The following WASF3 variants were observed in gnomAD, a reference collection of about 807,000 sequenced individuals.
WASF3 encodes the protein WASP family member 3.
WASF3 carries 11 observed loss-of-function variants against 46.6 expected under a neutral mutation model. The ratio of observed to expected loss-of-function variants is 0.24; its 90% CI spans 0.15 to 0.39. The LOEUF is 0.39. WASF3 is among the 10% of genes least tolerant of loss of function. The probability of loss-of-function intolerance (pLI) is 1.00; values close to 1 mark genes in which losing one functional copy is unlikely to be tolerated. For missense variants in WASF3, 576 were observed against 669.8 expected (o/e 0.86, Z 1.55); for synonymous variants, 242 against 259.7 (o/e 0.93, Z 0.65).
chr13:26,684,031 C>T (rs966861201), intron 9 of WASF3, among the ~76,000 whole-genome samples: 6 of 152,290 alleles, frequency 3.9e-5, no homozygotes, highest in East Asian at 1.9e-4. Context: ...GGCTGCAGCC[C>T]GCCAGCTCAG....
chr13:26,649,523 GA>G (rs1882250265), intron 3 of WASF3, among the ~76,000 whole-genome samples: 1 of 152,198 alleles, frequency 6.6e-6, no homozygotes, highest in African/African-American at 2.4e-5. Context: ...ATCCATCAAA[GA>G]ACTGAAGTTA....
chr13:26,550,474 T>C, the WASF3 span, among the ~76,000 whole-genome samples: 1 of 152,128 alleles, frequency 6.6e-6, no homozygotes, highest in African/African-American at 2.4e-5. Flanking sequence ...CACTGAACAT[T>C]GGCAATTATT....
chr13:26,595,089 A>T (rs1297488224), intron 1 of WASF3, among the ~76,000 whole-genome samples: 1 of 152,194 alleles, frequency 6.6e-6, no homozygotes, highest in Non-Finnish European at 1.5e-5. Context: ...AGTGTTATTT[A>T]TCTTTGATCC....
the WASF3 span, among the ~76,000 whole-genome samples, chr13:26,544,835 A>G: frequency 6.6e-6 from 1 of 152,198 alleles, no homozygotes; most frequent in African/African-American, 2.4e-5. Context: ...TTCCCACCAT[A>G]CTGTGGACAT....
At position 26,671,895 on chromosome 13, in the gene WASF3, A is replaced by G; in HGVS notation, c.446A>G (p.Lys149Arg). The G allele has an allele frequency of 1.3e-6, 2 of 1,597,934 alleles. No homozygotes were observed. Among genetic ancestry groups the G allele is most frequent in the Non-Finnish European group, 1.7e-6 (2 of 1,175,772 alleles). Reference protein sequence around the residue: ...PYRDDKKDGLKFYTDPSYFFD... With the variant: ...PYRDDKKDGLRFYTDPSYFFD... The stretch of plus-strand genomic sequence containing the variant: ...AGAGATGACAAGAAGGATGGGCTGA[A>G]GTTCTATACTGATCCTTCCTATTTC... Residue 149 changes from lysine to arginine, a missense_variant, in exon 6 of 10, where the codon AAG (lysine) becomes AGG (arginine). Coordinates refer to ENST00000335327, the MANE Select transcript of WASF3 (RefSeq NM_006646.6).
upstream of WASF3, among the ~76,000 whole-genome samples, chr13:26,555,337 T>G (rs970833917): frequency 2.0e-5 from 3 of 152,186 alleles, no homozygotes; most frequent in Non-Finnish European, 4.4e-5. Context: ...AATTCATTTA[T>G]TCAGCAACTA....
chr13:26,543,367 A>T, the WASF3 span, among the ~76,000 whole-genome samples: 1 of 152,216 alleles, frequency 6.6e-6, no homozygotes, highest in East Asian at 1.9e-4. Flanking sequence ...AGTCCTTGGG[A>T]ATGAAAATCT....
chr13:26,674,451 G>T (rs141723961), intron 6 of WASF3, among the ~76,000 whole-genome samples: 1 of 152,102 alleles, frequency 6.6e-6, no homozygotes, highest in African/African-American at 2.4e-5. Context: ...CATGCTGGTT[G>T]TAAAATACTC....
At chr13:26,542,042 T>C in the WASF3 span, among the ~76,000 whole-genome samples, 1 of 152,188 alleles carries the variant, frequency 6.6e-6, no homozygotes, top group Non-Finnish European at 1.5e-5. Context: ...TTGAGCTGAA[T>C]TGCATAGTTT....
intron 9 of WASF3, among the ~76,000 whole-genome samples, chr13:26,685,275 T>A (rs1175132199): frequency 6.6e-6 from 1 of 152,160 alleles, no homozygotes; most frequent in African/African-American, 2.4e-5. Context: ...CTCTGGATGC[T>A]GTTGCTGCCT....
intron 3 of WASF3, among the ~76,000 whole-genome samples, chr13:26,648,184 A>G (rs554931483): frequency 6.6e-6 from 1 of 152,272 alleles, no homozygotes; most frequent in East Asian, 1.9e-4. Context: ...ATGAGCAGGG[A>G]TAGTCGTCAT....
intron 2 of WASF3, among the ~76,000 whole-genome samples, chr13:26,640,139 G>C (rs949569906): frequency 5.3e-5 from 8 of 152,028 alleles, no homozygotes; most frequent in African/African-American, 1.9e-4. Flanking sequence ...GTAACCTTGG[G>C]AGGATGGCAC....
At chr13:26,685,036 C>A (rs1293581716) in intron 9 of WASF3, among the ~76,000 whole-genome samples, 1 of 149,754 alleles carries the variant, frequency 6.7e-6, no homozygotes, top group African/African-American at 2.5e-5. Flanking sequence ...TGCAGTGAGC[C>A]ATGATCGTAA....
chr13:26,561,410 C>CT (rs1392762815), intron 1 of WASF3, among the ~76,000 whole-genome samples: 2 of 152,016 alleles, frequency 1.3e-5, no homozygotes, highest in Non-Finnish European at 1.5e-5. Context: ...GGTGATGGCA[C>CT]TGTCCTTAGG....
intron 1 of WASF3, among the ~76,000 whole-genome samples, chr13:26,593,589 A>G (rs7335273): frequency 0.059 from 8,980 of 152,048 alleles, 695 homozygotes; most frequent in African/African-American, 0.17. Flanking sequence ...CATTTATTTC[A>G]TGTCATATTT....
chr13:26,599,921 A>T (rs572295686), intron 1 of WASF3, among the ~76,000 whole-genome samples: 2 of 152,316 alleles, frequency 1.3e-5, no homozygotes, highest in African/African-American at 4.8e-5. Flanking sequence ...ATCATTTCTA[A>T]GTGGACTGGG....
At chr13:26,586,382 A>G (rs1480265705) in intron 1 of WASF3, among the ~76,000 whole-genome samples, 1 of 152,188 alleles carries the variant, frequency 6.6e-6, no homozygotes, top group South Asian at 2.1e-4. Context: ...TTATAATAGC[A>G]TTTAACCAAT....
intron 1 of WASF3, among the ~76,000 whole-genome samples, chr13:26,600,596 T>C (rs1018238506): frequency 1.6e-4 from 24 of 152,190 alleles, no homozygotes; most frequent in Admixed American, 1.5e-3. Context: ...ATACAAATCC[T>C]GATTAAGAAG....
chr13:26,561,207 A>T (rs557167661), intron 1 of WASF3, among the ~76,000 whole-genome samples: 196 of 152,252 alleles, frequency 1.3e-3, no homozygotes, highest in Non-Finnish European at 2.0e-3. Flanking sequence ...ATGGTTGAAG[A>T]ATTGTAAGCA....
Sources: gnomAD v4.1 joint callset for allele counts (sites outside exome capture counted in the v4.1 genomes callset) on GRCh38, gnomAD v4.1.1 for gene constraint, MANE v1.5 for transcripts, NCBI Gene and HGNC (gene_info 2026-07-23, HGNC 2026-07-21) for gene names.